Variants in WSCD2 observed in about 807,000 individuals in gnomAD.
WSCD2 encodes the protein sialate:O-sulfotransferase 2.
WSCD2 carries 28 observed loss-of-function variants against 55.7 expected under a neutral mutation model. The observed-to-expected ratio is 0.50, with a 90% CI of 0.37 to 0.69. WSCD2 has a LOEUF of 0.69. WSCD2 is among the 30% of genes least tolerant of loss of function. The pLI, the probability that WSCD2 is intolerant of heterozygous loss-of-function variation, is 0.00. For synonymous variants in WSCD2, 301 were observed against 301.9 expected, an observed-to-expected ratio of 1.00 and a Z score of 0.03; for missense variants, 616 against 762.1, an observed-to-expected ratio of 0.81 and a Z score of 2.26.
In WSCD2 at chr12:108,243,523, C is replaced by G. The variant is rs958683157; in HGVS notation, c.1345+2979C>G. ...TGCTGGGATTACAGGCGTGAGCCAC[C>G]GCGCCCAGCCACAATCTGTGTTTTA... On this transcript the variant is annotated intron_variant, in intron 8 of 8. Coordinates refer to ENST00000547525, the MANE Select transcript of WSCD2 (RefSeq NM_014653.4). Among the ~76,000 whole-genome samples the G allele has an allele frequency of 2.6e-5, 4 of 152,164 alleles. No individual in the cohort carries two copies. In the East Asian group the frequency reaches 7.7e-4, roughly 29 times the overall value.
In WSCD2 at chr12:108,240,493, A is replaced by G; in HGVS notation, c.1294A>G (p.Lys432Glu). 6.2e-7 allele frequency: 1 copy of G among 1,613,368 alleles called. No homozygotes were observed. Among genetic ancestry groups the G allele is most frequent in the Non-Finnish European group, 8.5e-7 (1 of 1,179,852 alleles). Residue 432 changes from lysine to glutamate, a missense_variant, in exon 8 of 9, where the codon AAG (lysine) becomes GAG (glutamate). Physicochemically the swap from Lys to Glu is moderately conservative, Grantham distance 56 (BLOSUM62 1). Coordinates refer to ENST00000547525, the MANE Select transcript of WSCD2 (RefSeq NM_014653.4). Reference protein sequence around the residue: ...YKALMAEFNRKYGGHIGFAAH... With the variant: ...YKALMAEFNREYGGHIGFAAH... ...AGCCCTCATGGCTGAGTTCAACCGC[A>G]AGTACGGCGGCCACATAGGCTTTGC... is the stretch of plus-strand genomic sequence containing the variant.
At chr12:108,203,817 G>T (rs1332398796) in intron 2 of WSCD2, among the ~76,000 whole-genome samples, 1 of 152,198 alleles carries the variant, frequency 6.6e-6, no homozygotes, top group Non-Finnish European at 1.5e-5. Flanking sequence ...TCTGCAGCAT[G>T]AGCATTCCTC....
intron 1 of WSCD2, among the ~76,000 whole-genome samples, chr12:108,160,039 G>A (rs972813652): frequency 2.0e-5 from 3 of 152,204 alleles, no homozygotes; most frequent in Non-Finnish European, 4.4e-5. Context: ...TGTTACATTC[G>A]TTACAGCTTC....
intron 8 of WSCD2, among the ~76,000 whole-genome samples, chr12:108,246,161 C>T (rs1011240708): frequency 2.6e-5 from 4 of 152,274 alleles, no homozygotes; most frequent in Non-Finnish European, 5.9e-5. Flanking sequence ...ATGAACAAGT[C>T]ACTTCACCTC....
intron 1 of WSCD2, among the ~76,000 whole-genome samples, chr12:108,143,687 G>A (rs187218375): frequency 1.9e-4 from 29 of 152,268 alleles, no homozygotes; most frequent in Non-Finnish European, 2.5e-4. Flanking sequence ...ACAGGGGCCC[G>A]TCAGTATCCA....
chr12:108,175,971 C>T (rs1296948798), intron 1 of WSCD2, among the ~76,000 whole-genome samples: 1 of 152,134 alleles, frequency 6.6e-6, no homozygotes, highest in Non-Finnish European at 1.5e-5. Context: ...TCCCAAGTAG[C>T]TGGGACTACA....
chr12:108,163,945 A>G (rs922651105), intron 1 of WSCD2, among the ~76,000 whole-genome samples: 3 of 152,134 alleles, frequency 2.0e-5, no homozygotes, highest in African/African-American at 7.2e-5. Context: ...AAGGAAAGAT[A>G]CTAAAAGAAT....
At chr12:108,239,821 C>A (rs1450890326) in intron 7 of WSCD2, among the ~76,000 whole-genome samples, 1 of 152,184 alleles carries the variant, frequency 6.6e-6, no homozygotes, top group Non-Finnish European at 1.5e-5. Flanking sequence ...TCAAGCAATC[C>A]TCCCGCTTCA....
At chr12:108,131,535 T>A (rs1324900956) in intron 1 of WSCD2, among the ~76,000 whole-genome samples, 1 of 152,180 alleles carries the variant, frequency 6.6e-6, no homozygotes, top group Non-Finnish European at 1.5e-5. Flanking sequence ...ACTGAGATGG[T>A]GCCTGGAGGG....
intron 4 of WSCD2, among the ~76,000 whole-genome samples, chr12:108,223,913 C>A (rs1224759755): frequency 6.6e-6 from 1 of 152,192 alleles, no homozygotes; most frequent in Admixed American, 6.5e-5. Context: ...TGCCGTGAGA[C>A]CAGGATGGAG....
chr12:108,214,731 T>A (rs1194601581), intron 4 of WSCD2, among the ~76,000 whole-genome samples: 1 of 152,222 alleles, frequency 6.6e-6, no homozygotes. Context: ...TGATGGCAAA[T>A]CAGCCTCTCC....
intron 1 of WSCD2, among the ~76,000 whole-genome samples, chr12:108,138,924 G>A (rs1432056196): frequency 6.6e-6 from 1 of 152,216 alleles, no homozygotes; most frequent in Non-Finnish European, 1.5e-5. Context: ...AATGCCCCCT[G>A]GGAGGACAGA....
At chr12:108,160,042 A>G (rs762426853) in intron 1 of WSCD2, among the ~76,000 whole-genome samples, 3 of 152,188 alleles carry the variant, frequency 2.0e-5, no homozygotes, top group Non-Finnish European at 4.4e-5. Flanking sequence ...TACATTCGTT[A>G]CAGCTTCATA....
chr12:108,153,170 G>T (rs536259731), intron 1 of WSCD2, among the ~76,000 whole-genome samples: 38 of 152,254 alleles, frequency 2.5e-4, no homozygotes, highest in African/African-American at 9.1e-4. Flanking sequence ...GAATTGTGAG[G>T]ATTAAAGAAG....
intron 1 of WSCD2, among the ~76,000 whole-genome samples, chr12:108,174,161 T>C (rs2136977402): frequency 6.6e-6 from 1 of 152,264 alleles, no homozygotes; most frequent in South Asian, 2.1e-4. Context: ...ATTTGGATGT[T>C]AGTCTATCTT....
At chr12:108,230,833 C>T (rs1051202883) in intron 6 of WSCD2, among the ~76,000 whole-genome samples, 1 of 152,162 alleles carries the variant, frequency 6.6e-6, no homozygotes, top group African/African-American at 2.4e-5. Context: ...TTGCCCATAA[C>T]CGGTCCAGGG....
chr12:108,138,642 T>C (rs1163770316), intron 1 of WSCD2, among the ~76,000 whole-genome samples: 1 of 152,250 alleles, frequency 6.6e-6, no homozygotes, highest in African/African-American at 2.4e-5. Context: ...TTCCTAGCAC[T>C]AATGTGTCTG....
chr12:108,210,600 C>T lies in WSCD2; in HGVS notation c.682+295C>T, dbSNP rs1886027554. Among the ~76,000 whole-genome samples the T allele has an allele frequency of 1.3e-5, 2 of 152,182 alleles. No homozygotes were observed. Among genetic ancestry groups the T allele is most frequent in the East Asian group, 1.9e-4 (1 of 5,198 alleles). On this transcript the variant is annotated intron_variant, in intron 4 of 8. Coordinates refer to ENST00000547525, the MANE Select transcript of WSCD2 (RefSeq NM_014653.4). This position sits in a 1 kb window ranked among gnomAD's most constrained non-coding sequence, Gnocchi z 4.3. Reference sequence around the variant, plus strand: ...TCTGAAACTGAGTTGGAGCCTGAGCCTCGCCTTCCCATCCTGATTTTCTCA... The same window carrying T: ...TCTGAAACTGAGTTGGAGCCTGAGCTTCGCCTTCCCATCCTGATTTTCTCA...
chr12:108,200,111 G>A lies in WSCD2; in HGVS notation c.382+3897G>A, dbSNP rs146830701. Reference sequence around the variant, plus strand: ...TTTCCATGAGATTACAGAGAGGCTTGGGCTGGGTGTGAAGGTGGCCATGGG... The same window carrying A: ...TTTCCATGAGATTACAGAGAGGCTTAGGCTGGGTGTGAAGGTGGCCATGGG... On this transcript the variant is annotated intron_variant, in intron 2 of 8. Transcript: ENST00000547525. 5.1e-4 allele frequency among the ~76,000 whole-genome samples: 78 copies of A among 152,264 alleles called. 1 individual carries two copies. The East Asian group carries it at 0.015, about 29-fold the overall frequency.
Sources: gnomAD v4.1 joint callset for allele counts (sites outside exome capture counted in the v4.1 genomes callset) on GRCh38, gnomAD v4.1.1 for gene constraint, Gnocchi (gnomAD v3.1) non-coding constraint, MANE v1.5 for transcripts, NCBI Gene and HGNC (gene_info 2026-07-23, HGNC 2026-07-21) for gene names.